The following INPP5K variants were observed in gnomAD, a reference collection of about 807,000 sequenced individuals.
The protein encoded by INPP5K is inositol polyphosphate 5-phosphatase K.
INPP5K carries 35 observed loss-of-function variants against 53.5 expected under a neutral mutation model. That is an observed-to-expected ratio of 0.65 (90% CI 0.50 to 0.87). INPP5K has a LOEUF of 0.87. Ranked by LOEUF, INPP5K falls within the 40% of genes least tolerant of loss-of-function variation. The pLI is 0.00. For missense variants in INPP5K, 550 were observed against 586.2 expected, an observed-to-expected ratio of 0.94 and a Z score of 0.64; for synonymous variants, 253 against 232.8, an observed-to-expected ratio of 1.09 and a Z score of -0.79.
chr17:1,505,845 C>A (rs1048814414), intron 7 of INPP5K, among the ~76,000 whole-genome samples: 1 of 152,114 alleles, frequency 6.6e-6, no homozygotes, highest in Admixed American at 6.5e-5. Context: ...GGAACAAAGA[C>A]CCTCATGACA....
chr17:1,503,793 C>G (rs980748286), intron 7 of INPP5K, among the ~76,000 whole-genome samples: 1 of 152,182 alleles, frequency 6.6e-6, no homozygotes, highest in African/African-American at 2.4e-5. Flanking sequence ...CGGACTTTAG[C>G]AGGATTCCCG....
At position 1,499,094 on chromosome 17, in the gene INPP5K, T is replaced by A. The variant is rs543201246; in HGVS notation, c.777-972A>T. On this transcript the variant is annotated intron_variant, in intron 7 of 11. Coordinates refer to ENST00000421807, the MANE Select transcript of INPP5K (RefSeq NM_016532.4). The stretch of plus-strand genomic sequence containing the variant: ...CTTCCTCGCCTGCCAGTGGAGGGAA[T>A]AACAGTAGTTACCATGAAGGGTTGC... 2.6e-5 allele frequency among the ~76,000 whole-genome samples: 4 copies of A among 152,332 alleles called. No individual in the cohort carries two copies. The South Asian group carries it at 8.3e-4, about 32-fold the overall frequency.
Position 1,506,989 on chromosome 17 carries a change from T to G in INPP5K, c.767A>C (p.Tyr256Ser). 1 of 1,612,760 alleles carries G rather than the reference T, an allele frequency of 6.2e-7. No individual in the cohort carries two copies. The highest frequency in any genetic ancestry group is 8.5e-7 in the Non-Finnish European group (1 of 1,178,830). The change falls in exon 7 of 12, where the codon TAT becomes TCT. Residue 256 changes from tyrosine to serine, a missense_variant. Transcript: ENST00000421807. ...CCCACTCCCTCCTCACCTGGTGTCA[T>G]AGTCGTTGGAGTTCCTATCAAACTT... The part of the protein sequence containing the change: ...TYKFDRNSND[Y>S]DTSEKKRKPA...
chr17:1,500,958 CTTTTTTT>C (rs546504445), intron 7 of INPP5K, among the ~76,000 whole-genome samples: 1 of 135,308 alleles, frequency 7.4e-6, no homozygotes, highest in African/African-American at 2.7e-5. Context: ...TATTCAACTG[CTTTTTTT>C]TTTTTTTTTT....
intron 1 of INPP5K, among the ~76,000 whole-genome samples, chr17:1,514,198 C>T (rs1172323997): frequency 6.6e-6 from 1 of 152,114 alleles, no homozygotes; most frequent in East Asian, 1.9e-4. Context: ...TGGCAGGCGC[C>T]TGTAATCCCA....
At chr17:1,502,164 A>G (rs376251350) in intron 7 of INPP5K, among the ~76,000 whole-genome samples, 5 of 151,792 alleles carry the variant, frequency 3.3e-5, no homozygotes, top group East Asian at 1.9e-4. Context: ...CCTGGCTAAC[A>G]TGGTGAAACC....
intron 2 of INPP5K, 73 bp downstream of exon 2, chr17:1,513,799 G>A (rs919477779): frequency 8.5e-7 from 1 of 1,174,654 alleles, no homozygotes; most frequent in African/African-American, 1.5e-5. Context: ...GCGGAGGAGG[G>A]CAGGTCACAG....
rs1238971046 is a variant in INPP5K at position 1,509,766 on chromosome 17, G to A, written c.295C>T (p.Leu99=). The A allele has an allele frequency of 3.7e-6, 6 of 1,613,342 alleles. No homozygotes were observed. The East Asian group carries it at 1.3e-4, about 36-fold the overall frequency. Residue 99 remains leucine, a synonymous_variant, in exon 4 of 12, where the codon CTG becomes TTG. Coordinates refer to ENST00000421807, the MANE Select transcript of INPP5K (RefSeq NM_016532.4). ...AAATGCTGATACTTGGCAAAGACCA[G>A]TAAGAGGATCCCCTGCATACGGACA... is the stretch of plus-strand genomic sequence containing the variant. ...SHVRMQGILL[L]VFAKYQHLPY...
chr17:1,504,963 C>T (rs1196985854), intron 7 of INPP5K, among the ~76,000 whole-genome samples: 6 of 152,204 alleles, frequency 3.9e-5, no homozygotes, highest in Non-Finnish European at 1.5e-5. Context: ...CCTGGGGAAG[C>T]CCTTGAACTT....
rs757848878 is a variant in INPP5K at position 1,509,273 on chromosome 17, G to T, written c.459C>A (p.His153Gln). The T allele has an allele frequency of 6.2e-7, 1 of 1,614,146 alleles. No individual in the cohort carries two copies. The highest frequency in any genetic ancestry group is 8.5e-7 in the Non-Finnish European group (1 of 1,180,012). Residue 153 changes from histidine to glutamine, a missense_variant, in exon 5 of 12, where the codon CAC becomes CAA. By Grantham distance (24) the His-to-Gln change is conservative. Transcript: ENST00000421807. ...CCAGCCGCTGGTAATTGTTGGAAAT[G>T]TGGGGAGGCAGGTGGCAGTTGATGA... Reference protein sequence around the residue: ...VSIINCHLPPHISNNYQRLEH... With the variant: ...VSIINCHLPPQISNNYQRLEH...
chr17:1,507,322 C>A, intron 6 of INPP5K: 1 of 547,628 alleles, frequency 1.8e-6, no homozygotes, highest in Non-Finnish European at 3.2e-6. Context: ...CTGCCGTTTC[C>A]CAGTCCTTAG....
In INPP5K at chr17:1,508,243, G is replaced by C. The variant is rs1383476728; in HGVS notation, c.555-17C>G. 2 of 1,585,536 alleles carry C rather than the reference G, an allele frequency of 1.3e-6. No individual in the cohort carries two copies. The highest frequency in any genetic ancestry group is 2.2e-5 in the South Asian group (2 of 90,538). ...ATAATGAGGCTTCAGAAAAAAAGGA[G>C]GGCAGCCTGAGGATTTGTGATGAAG... On this transcript the variant is annotated splice_polypyrimidine_tract_variant and intron_variant, in intron 5 of 11. Coordinates refer to ENST00000421807, the MANE Select transcript of INPP5K (RefSeq NM_016532.4).
At chr17:1,498,413 T>G (rs575845712) in intron 7 of INPP5K, among the ~76,000 whole-genome samples, 14 of 152,288 alleles carry the variant, frequency 9.2e-5, no homozygotes, top group African/African-American at 3.4e-4. Context: ...AAGCTTTGCT[T>G]CTTTCTTGAG....
chr17:1,502,305 C>T (rs543588573), intron 7 of INPP5K, among the ~76,000 whole-genome samples: 45 of 152,272 alleles, frequency 3.0e-4, no homozygotes, highest in African/African-American at 8.9e-4. Context: ...GTGGAGATCG[C>T]GCCACTGCAC....
chr17:1,506,545 C>T lies in INPP5K; in HGVS notation c.776+435G>A, dbSNP rs369374458. 3.9e-5 allele frequency among the ~76,000 whole-genome samples: 6 copies of T among 152,354 alleles called. No homozygotes were observed. In the South Asian group the frequency reaches 8.3e-4, roughly 21 times the overall value. ...TCCTGATGAAACTCTCTACCTACTA[C>T]TTCACCTTCTCACACAAGACCTGAC... is the stretch of plus-strand genomic sequence containing the variant. On this transcript the variant is annotated intron_variant, in intron 7 of 11. Coordinates refer to ENST00000421807, the MANE Select transcript of INPP5K (RefSeq NM_016532.4).
At position 1,513,992 on chromosome 17, in the gene INPP5K, T is replaced by C. The variant is rs1390385034; in HGVS notation, c.45-13A>G. On this transcript the variant is annotated splice_polypyrimidine_tract_variant and intron_variant, in intron 1 of 11. Coordinates refer to ENST00000421807, the MANE Select transcript of INPP5K (RefSeq NM_016532.4). ...CACGACGTGTATGCTGCGGAAGGGA[T>C]GCAGAGGGAAGTCATGGAGGAAGGA... 6.3e-6 allele frequency: 10 copies of C among 1,583,964 alleles called. No individual in the cohort carries two copies. Among genetic ancestry groups the C allele is most frequent in the African/African-American group, 1.3e-5 (1 of 74,378 alleles).
chr17:1,502,162 A>G (rs1211928796), intron 7 of INPP5K, among the ~76,000 whole-genome samples: 2 of 151,794 alleles, frequency 1.3e-5, no homozygotes. Context: ...ATCCTGGCTA[A>G]CATGGTGAAA....
Position 1,516,207 on chromosome 17 carries a change from TG to T in INPP5K, c.44+248del, listed in dbSNP as rs1190685017. On this transcript the variant is annotated intron_variant, in intron 1 of 11. Coordinates refer to ENST00000421807, the MANE Select transcript of INPP5K (RefSeq NM_016532.4). ...TTAACCTCAAACAACCCCACACGGC[TG>T]TCCTCTCCAGAAAGCAACCGGGACA... The T allele has an allele frequency of 6.0e-5, 59 of 978,060 alleles. No homozygotes were observed. In the South Asian group the frequency reaches 8.9e-4, roughly 15 times the overall value. The allele number at this position is 978,060 out of a possible 1,614,324, so 60.6% of individuals were successfully genotyped here.
chr17:1,514,995 C>G (rs1488101962), intron 1 of INPP5K, among the ~76,000 whole-genome samples: 1 of 151,714 alleles, frequency 6.6e-6, no homozygotes, highest in East Asian at 1.9e-4. Flanking sequence ...CAGCCTCCGC[C>G]TCCCAGGTTC....
Sources: gnomAD v4.1 joint callset for allele counts (sites outside exome capture counted in the v4.1 genomes callset) on GRCh38, gnomAD v4.1.1 for gene constraint, MANE v1.5 for transcripts, NCBI Gene and HGNC (gene_info 2026-07-23, HGNC 2026-07-21) for gene names.